The following LYRM4 variants were observed in gnomAD, a reference collection of about 807,000 sequenced individuals.
LYRM4 encodes the protein LYR motif-containing protein 4.
Under a neutral mutation model 11.7 loss-of-function variants are expected in LYRM4, and 9 were observed. That is an observed-to-expected ratio of 0.77 (90% CI 0.46 to 1.34). The LOEUF (loss-of-function observed/expected upper bound fraction) is 1.34. LYRM4 is among the 40% of genes most tolerant of loss of function. LYRM4 has a pLI of 0.00. For missense variants in LYRM4, 133 were observed against 112.5 expected, an observed-to-expected ratio of 1.18 and a Z score of -0.82; for synonymous variants, 42 against 40.4, an observed-to-expected ratio of 1.04 and a Z score of -0.15.
intron 1 of LYRM4, among the ~76,000 whole-genome samples, chr6:5,226,961 T>C (rs1762930452): frequency 6.6e-6 from 1 of 152,144 alleles, no homozygotes; most frequent in Admixed American, 6.5e-5. Flanking sequence ...GGGAAGGGTA[T>C]ATACAATTAG....
chr6:5,137,623 T>C (rs1379251052), intron 2 of LYRM4, among the ~76,000 whole-genome samples: 2 of 152,236 alleles, frequency 1.3e-5, no homozygotes, highest in Non-Finnish European at 2.9e-5. Flanking sequence ...GCTACCCGGC[T>C]AGTGATATGC....
chr6:5,235,179 G>C (rs1168268685), intron 1 of LYRM4, among the ~76,000 whole-genome samples: 1 of 152,078 alleles, frequency 6.6e-6, no homozygotes, highest in Admixed American at 6.5e-5. Flanking sequence ...CTCTCGTTCT[G>C]TTGCCCAGGC....
intron 2 of LYRM4, among the ~76,000 whole-genome samples, chr6:5,178,420 A>C (rs1759846672): frequency 6.6e-6 from 1 of 151,544 alleles, no homozygotes; most frequent in South Asian, 2.1e-4. Flanking sequence ...ATGGTTCTTA[A>C]AAAAATTGTT....
intron 1 of LYRM4, among the ~76,000 whole-genome samples, chr6:5,223,057 T>G (rs1003346209): frequency 6.6e-6 from 1 of 152,190 alleles, no homozygotes; most frequent in African/African-American, 2.4e-5. Context: ...CGTTGAAATT[T>G]AACAACCAGA....
At chr6:5,192,256 T>A (rs1760797870) in intron 2 of LYRM4, among the ~76,000 whole-genome samples, 1 of 152,110 alleles carries the variant, frequency 6.6e-6, no homozygotes, top group Non-Finnish European at 1.5e-5. Flanking sequence ...TGACTGAAGA[T>A]GGCCTGGGGT....
intron 1 of LYRM4, among the ~76,000 whole-genome samples, chr6:5,232,143 C>CA (rs1016915153): frequency 5.8e-4 from 88 of 152,026 alleles, no homozygotes; most frequent in Admixed American, 2.3e-3. Context: ...AATGCAGTCT[C>CA]AAAAAAAACT....
chr6:5,069,721 C>T, the LYRM4 span, among the ~76,000 whole-genome samples: 1 of 152,124 alleles, frequency 6.6e-6, no homozygotes, highest in South Asian at 2.1e-4. Flanking sequence ...CCTCATGATC[C>T]GCCTGCCTCA....
Position 5,221,432 on chromosome 6 carries a change from T to C in LYRM4, c.87-4694A>G, listed in dbSNP as rs897758063. Among the ~76,000 whole-genome samples, 3 of 152,154 alleles carry C rather than the reference T, an allele frequency of 2.0e-5. No individual in the cohort carries two copies. In the South Asian group the frequency reaches 6.2e-4, roughly 31 times the overall value. On this transcript the variant is annotated intron_variant, in intron 1 of 2. Coordinates refer to ENST00000330636, the MANE Select transcript of LYRM4 (RefSeq NM_020408.6). ...GTGCCTGGCTGGGTGCGGTGGCTCA[T>C]GCCTGTAATCTCAGCACTCTGGGAG...
chr6:5,118,419 T>C (rs992567797), intron 2 of LYRM4, among the ~76,000 whole-genome samples: 2 of 152,074 alleles, frequency 1.3e-5, no homozygotes, highest in African/African-American at 2.4e-5. Context: ...GCCTGGCCAA[T>C]ACATTTTTGA....
chr6:5,064,535 A>G, the LYRM4 span, among the ~76,000 whole-genome samples: 3 of 152,128 alleles, frequency 2.0e-5, no homozygotes, highest in African/African-American at 7.2e-5. Context: ...ATTCTTTTGT[A>G]TCATATATTT....
chr6:5,145,243 T>C (rs1040270253), intron 2 of LYRM4, among the ~76,000 whole-genome samples: 32 of 152,306 alleles, frequency 2.1e-4, no homozygotes, highest in Admixed American at 1.4e-3. Flanking sequence ...TCCCCACACC[T>C]GGTTTCTCAT....
At chr6:5,056,594 C>T in the LYRM4 span, among the ~76,000 whole-genome samples, 1 of 152,204 alleles carries the variant, frequency 6.6e-6, no homozygotes, top group Non-Finnish European at 1.5e-5. Flanking sequence ...CTTTTCTTAT[C>T]CAATAGCAAC....
At chr6:5,259,953 G>A (rs114202039) in intron 1 of LYRM4, among the ~76,000 whole-genome samples, 5 of 152,152 alleles carry the variant, frequency 3.3e-5, no homozygotes, top group African/African-American at 9.7e-5. Context: ...TAGGCAAATA[G>A]GGGAGTGGGG....
At chr6:5,069,997 T>C in the LYRM4 span, among the ~76,000 whole-genome samples, 13 of 152,366 alleles carry the variant, frequency 8.5e-5, no homozygotes, top group African/African-American at 2.9e-4. Flanking sequence ...GAAATTACTG[T>C]GCACCAGCAC....
downstream of LYRM4, chr6:5,103,956 A>G (rs1762582726): frequency 6.6e-6 from 1 of 151,274 alleles, no homozygotes; most frequent in Non-Finnish European, 1.5e-5. Context: ...TTAATCTAGA[A>G]AGCAAATACT....
At chr6:5,086,499 C>T in the LYRM4 span, 10 of 1,536,152 alleles carry the variant, frequency 6.5e-6, no homozygotes, top group South Asian at 1.2e-4. Flanking sequence ...AGGGCGAGTA[C>T]TGGGACAACA....
the LYRM4 span, among the ~76,000 whole-genome samples, chr6:5,058,118 T>C: frequency 6.6e-6 from 1 of 152,162 alleles, no homozygotes; most frequent in Non-Finnish European, 1.5e-5. Context: ...ATCTCCTTCA[T>C]TCCATTTTCC....
intron 1 of LYRM4, among the ~76,000 whole-genome samples, chr6:5,223,656 G>A (rs997979396): frequency 2.6e-5 from 4 of 152,176 alleles, no homozygotes; most frequent in East Asian, 1.9e-4. Context: ...ATAGTTCAGC[G>A]CCAAACATGT....
intron 1 of LYRM4, among the ~76,000 whole-genome samples, chr6:5,223,839 C>T (rs78611407): frequency 0.017 from 2,647 of 152,288 alleles, 33 homozygotes; most frequent in Non-Finnish European, 0.025. Flanking sequence ...ATCAAAGCTT[C>T]GGGTTTTTGG....
Sources: allele counts gnomAD v4.1 joint callset (sites outside exome capture counted in the v4.1 genomes callset), GRCh38; gene constraint gnomAD v4.1.1; transcripts MANE v1.5; gene names NCBI Gene and HGNC (gene_info 2026-07-23, HGNC 2026-07-21).